The following PTPRZ1 variants were observed in gnomAD, a reference collection of about 807,000 sequenced individuals.
PTPRZ1 encodes the protein protein tyrosine phosphatase receptor type Z1.
A neutral mutation model predicts 214.1 loss-of-function variants in PTPRZ1; 82 were observed. The observed-to-expected ratio is 0.38, with a 90% confidence interval of 0.32 to 0.46. The LOEUF (loss-of-function observed/expected upper bound fraction) is 0.46. Among genes scored for constraint, PTPRZ1 ranks in the 20% least tolerant of loss-of-function variants. PTPRZ1 has a pLI of 1.00. For missense variants in PTPRZ1, 2,603 were observed against 2,748.7 expected (o/e 0.95, Z 1.19); for synonymous variants, 945 against 987.9 (o/e 0.96, Z 0.81).
intron 2 of PTPRZ1, among the ~76,000 whole-genome samples, chr7:121,943,563 C>A (rs7810556): frequency 2.6e-5 from 4 of 151,774 alleles, no homozygotes; most frequent in African/African-American, 9.7e-5. Context: ...TGGTCTCGAT[C>A]TCCTGACCTC....
At chr7:121,972,851 G>A (rs1400086841) in intron 4 of PTPRZ1, among the ~76,000 whole-genome samples, 159 bp downstream of exon 4, 2 of 152,098 alleles carry the variant, frequency 1.3e-5, no homozygotes, top group African/African-American at 4.8e-5. Context: ...ATTAATGTAA[G>A]ACTTATCTTT....
In PTPRZ1 at chr7:121,884,560, G is replaced by A. The variant is rs374626288; in HGVS notation, c.58+11003G>A. On this transcript the variant is annotated intron_variant, in intron 1 of 29. Transcript: ENST00000393386. ...CAACATAAAGGACAGAAAGAATGCC[G>A]CTTCTTCCTGTGACCTGAATACACT... Among the ~76,000 whole-genome samples the A allele has an allele frequency of 5.7e-4, 87 of 152,276 alleles. 1 individual carries two copies. In the Middle Eastern group the frequency reaches 0.01, roughly 18 times the overall value.
intron 2 of PTPRZ1, 57 bp downstream of exon 2, chr7:121,928,278 A>G (rs575421975): frequency 4.2e-5 from 55 of 1,310,600 alleles, no homozygotes; most frequent in Non-Finnish European, 5.3e-5. Flanking sequence ...TTTTGTATCT[A>G]TTTTTATATA....
At chr7:122,060,678 C>A (rs572425198) in intron 29 of PTPRZ1, among the ~76,000 whole-genome samples, 1 of 152,278 alleles carries the variant, frequency 6.6e-6, no homozygotes, top group Admixed American at 6.5e-5. Context: ...TTCCTGAGAT[C>A]TTTCCGTAAA....
intron 2 of PTPRZ1, 55 bp from the exon 3 acceptor site, chr7:121,967,896 T>A (rs1584692198): frequency 7.6e-7 from 1 of 1,319,076 alleles, no homozygotes; most frequent in East Asian, 2.3e-5. Context: ...ATGTAAAGTT[T>A]AATTTTTGCA....
chr7:121,936,755 T>C (rs1253515019), intron 2 of PTPRZ1, among the ~76,000 whole-genome samples: 1 of 152,226 alleles, frequency 6.6e-6, no homozygotes, highest in Non-Finnish European at 1.5e-5. Flanking sequence ...GTCATTTGTC[T>C]TCTAGGGAAT....
chr7:121,914,273 T>C (rs1487459177), intron 1 of PTPRZ1, among the ~76,000 whole-genome samples: 1 of 152,248 alleles, frequency 6.6e-6, no homozygotes, highest in Non-Finnish European at 1.5e-5. Flanking sequence ...GATTACTTGA[T>C]ATTTTCTGGA....
intron 1 of PTPRZ1, among the ~76,000 whole-genome samples, chr7:121,924,242 A>T (rs1196021586): frequency 6.6e-6 from 1 of 152,192 alleles, no homozygotes; most frequent in Non-Finnish European, 1.5e-5. Context: ...ATTTTAATGG[A>T]TCCTAAAATG....
At chr7:122,032,648 C>T (rs956418869) in intron 15 of PTPRZ1, among the ~76,000 whole-genome samples, 1 of 152,072 alleles carries the variant, frequency 6.6e-6, no homozygotes, top group African/African-American at 2.4e-5. Context: ...TCCCAGGACT[C>T]ACACCCATCA....
rs936414761 is a variant in PTPRZ1, at chr7:122,010,810, C to T, written c.1764C>T (p.Gly588=). The change falls in exon 12 of 30, where the codon GGC becomes GGT. Residue 588 remains glycine (G), a synonymous_variant. Transcript: ENST00000393386. Reference sequence around the variant, plus strand: ...ATACTGGAGCTGAAGATTCTTCAGGCTCCAGTCCCGCAACTTCTGCTATCC... The same window carrying T: ...ATACTGGAGCTGAAGATTCTTCAGGTTCCAGTCCCGCAACTTCTGCTATCC... ...KLDTGAEDSS[G]SSPATSAIPF... The T allele has an allele frequency of 1.2e-6, 2 of 1,613,902 alleles. No individual in the cohort carries two copies. Among genetic ancestry groups the T allele is most frequent in the Non-Finnish European group, 8.5e-7 (1 of 1,179,988 alleles).
At chr7:122,039,290 G>T (rs984316626) in intron 19 of PTPRZ1, among the ~76,000 whole-genome samples, 164 bp from the exon 20 acceptor site, 1 of 152,084 alleles carries the variant, frequency 6.6e-6, no homozygotes, top group Admixed American at 6.6e-5. Flanking sequence ...TCTATCCCTA[G>T]CCTCCTCCAC....
At chr7:122,051,606 G>C in intron 24 of PTPRZ1, 85 bp downstream of exon 24, 1 of 1,051,982 alleles carries the variant, frequency 9.5e-7, no homozygotes. Context: ...GTATACCTTT[G>C]GAGCAAATGG....
intron 2 of PTPRZ1, among the ~76,000 whole-genome samples, chr7:121,951,858 A>G (rs555405152): frequency 6.6e-6 from 1 of 152,242 alleles, no homozygotes; most frequent in Non-Finnish European, 1.5e-5. Context: ...GAAACTACTT[A>G]AATATACTGT....
chr7:121,983,568 A>T, intron 6 of PTPRZ1, 97 bp from the exon 7 acceptor site: 1 of 1,192,238 alleles, frequency 8.4e-7, no homozygotes. Flanking sequence ...TTTTGATTAA[A>T]TACATAACAA....
chr7:122,039,353 G>A, intron 19 of PTPRZ1, 101 bp from the exon 20 acceptor site: 2 of 1,258,044 alleles, frequency 1.6e-6, no homozygotes, highest in African/African-American at 3.0e-5. Context: ...GAGTGAAGGA[G>A]TCCATTCCTG....
Position 121,935,544 on chromosome 7 carries a change from TTTTGTTTGTTTG to T in PTPRZ1, c.124+7347_124+7358del, listed in dbSNP as rs200251497. On this transcript the variant is annotated intron_variant, in intron 2 of 29. Coordinates refer to ENST00000393386, the MANE Select transcript of PTPRZ1 (RefSeq NM_002851.3). Reference sequence around the variant, plus strand: ...TTTTGTTTTTGTTTTTTGGGGTTTTTTTTGTTTGTTTGTTTGTTTGTTTGTTTGTTTGTTTTG... The same window carrying T: ...TTTTGTTTTTGTTTTTTGGGGTTTTTTTTGTTTGTTTGTTTGTTTGTTTTG... 3.2e-3 allele frequency among the ~76,000 whole-genome samples: 425 copies of T among 131,182 alleles called. 1 individual carries two copies. The highest frequency in any genetic ancestry group is 7.6e-3 in the African/African-American group (271 of 35,554). The allele number at this position is 131,182 out of a possible 152,430, so 86.1% of individuals were successfully genotyped here. A position where few individuals can be genotyped will look rare whatever the true frequency, so the allele number is the denominator to read the frequency against.
intron 15 of PTPRZ1, 55 bp from the exon 16 acceptor site, chr7:122,034,040 T>C (rs1187127780): frequency 1.3e-5 from 20 of 1,497,470 alleles, no homozygotes; most frequent in Non-Finnish European, 1.7e-5. Flanking sequence ...TTCTCATTTG[T>C]CGTGTGCTGT....
chr7:121,923,945 A>C (rs1795677005), intron 1 of PTPRZ1, among the ~76,000 whole-genome samples: 1 of 152,094 alleles, frequency 6.6e-6, no homozygotes, highest in African/African-American at 2.4e-5. Context: ...AGGTTATCTG[A>C]AATAATATAA....
chr7:121,919,198 A>G (rs1304405979), intron 1 of PTPRZ1, among the ~76,000 whole-genome samples: 1 of 152,100 alleles, frequency 6.6e-6, no homozygotes, highest in African/African-American at 2.4e-5. Flanking sequence ...TTGAATATTT[A>G]AAAAGTAATA....
Sources: gnomAD v4.1 joint callset for allele counts (sites outside exome capture counted in the v4.1 genomes callset) on GRCh38, gnomAD v4.1.1 for gene constraint, MANE v1.5 for transcripts, NCBI Gene and HGNC (gene_info 2026-07-23, HGNC 2026-07-21) for gene names.